The following HECW1 variants were observed in gnomAD, a reference collection of about 807,000 sequenced individuals.
HECW1 encodes the protein E3 ubiquitin-protein ligase HECW1.
HECW1 carries 61 observed loss-of-function variants against 182.3 expected under a neutral mutation model. The ratio of observed to expected loss-of-function variants is 0.33; its 90% CI spans 0.27 to 0.41. The LOEUF (loss-of-function observed/expected upper bound fraction) is 0.41, where lower values mean the gene tolerates loss of function less well. HECW1 is among the 10% of genes least tolerant of loss of function. The pLI is 1.00. For missense variants in HECW1, 1,739 were observed against 2,108.9 expected, an observed-to-expected ratio of 0.82 and a Z score of 3.44; for synonymous variants, 859 against 832.6, an observed-to-expected ratio of 1.03 and a Z score of -0.55.
At chr7:43,262,264 G>GTGTGTA (rs774635031) in intron 3 of HECW1, among the ~76,000 whole-genome samples, 2 of 151,646 alleles carry the variant, frequency 1.3e-5, no homozygotes, top group African/African-American at 4.9e-5. Flanking sequence ...GTGTGTGTGT[G>GTGTGTA]TATAACCTAA....
At chr7:43,435,468 T>C (rs1306204575) in intron 8 of HECW1, among the ~76,000 whole-genome samples, 6 of 152,218 alleles carry the variant, frequency 3.9e-5, no homozygotes, top group Non-Finnish European at 8.8e-5. Flanking sequence ...TGATTTATAA[T>C]AGCAATCAGA....
intron 16 of HECW1, among the ~76,000 whole-genome samples, chr7:43,475,285 G>A (rs557645519): frequency 6.6e-6 from 1 of 152,264 alleles, no homozygotes; most frequent in Admixed American, 6.5e-5. Context: ...TGGCCATATA[G>A]CAATAAAACT....
intron 12 of HECW1, among the ~76,000 whole-genome samples, chr7:43,453,264 A>G (rs776199351): frequency 6.6e-6 from 1 of 152,210 alleles, no homozygotes; most frequent in African/African-American, 2.4e-5. Flanking sequence ...AGCTTGGGCC[A>G]GGGTGGGAGC....
At chr7:43,534,052 G>A (rs1419395063) in intron 24 of HECW1, among the ~76,000 whole-genome samples, 1 of 152,186 alleles carries the variant, frequency 6.6e-6, no homozygotes, top group Non-Finnish European at 1.5e-5. Flanking sequence ...TGCCAGAAAT[G>A]CCCTACAGAG....
At chr7:43,347,839 T>C (rs11982866) in intron 5 of HECW1, among the ~76,000 whole-genome samples, 2,544 of 152,328 alleles carry the variant, frequency 0.017, 75 homozygotes, top group African/African-American at 0.057. Flanking sequence ...TTGCATATGT[T>C]AAACCATCCC....
At chr7:43,438,980 A>C (rs2076795744) in intron 9 of HECW1, 1 of 152,224 alleles carries the variant, frequency 6.6e-6, no homozygotes, top group African/African-American at 2.4e-5. Context: ...TAATTATCAT[A>C]AAGACATTTA....
At chr7:43,351,750 A>G (rs1287406064) in intron 5 of HECW1, among the ~76,000 whole-genome samples, 4 of 149,722 alleles carry the variant, frequency 2.7e-5, no homozygotes, top group Admixed American at 6.7e-5. Flanking sequence ...GAACAGTACA[A>G]TGTAAATGAA....
Position 43,466,468 on chromosome 7 carries a change from T to C in HECW1, c.2813T>C (p.Leu938Pro). 6.2e-7 allele frequency: 1 copy of C among 1,613,780 alleles called. No individual in the cohort carries two copies. The highest frequency in any genetic ancestry group is 8.5e-7 in the Non-Finnish European group (1 of 1,179,760). ...TCAGATCTAAGGAGAGAAGGGTCACTTTCTCCAGTGAACTCACAAAAAATC... is the reference window on the plus strand; with the variant it reads ...TCAGATCTAAGGAGAGAAGGGTCACCTTCTCCAGTGAACTCACAAAAAATC... ...SSLDLRREGS[L>P]SPVNSQKITL... The change falls in exon 15 of 30, where the codon CTT becomes CCT. Residue 938 changes from leucine to proline, a missense_variant. Coordinates refer to ENST00000395891, the MANE Select transcript of HECW1 (RefSeq NM_015052.5).
At chr7:43,489,735 A>T (rs1465938144) in intron 17 of HECW1, among the ~76,000 whole-genome samples, 2 of 152,262 alleles carry the variant, frequency 1.3e-5, no homozygotes, top group Non-Finnish European at 2.9e-5. Flanking sequence ...CTGTCTGCAT[A>T]CAAAGGATGT....
chr7:43,546,255 G>T (rs2081559339), intron 26 of HECW1, among the ~76,000 whole-genome samples: 1 of 113,738 alleles, frequency 8.8e-6, no homozygotes. Context: ...CATATCCACA[G>T]TCTCTTTCAT....
In HECW1 at chr7:43,466,067, G is replaced by C. The variant is rs2077763583; in HGVS notation, c.2792-380G>C. On this transcript the variant is annotated intron_variant, in intron 14 of 29. Coordinates refer to ENST00000395891, the MANE Select transcript of HECW1 (RefSeq NM_015052.5). ...AGGGGGAAGGAGGGAGGGAGGGAAG[G>C]AAGGAAGGAAGGAGAGAGAAGAAAG... 2.1e-5 allele frequency among the ~76,000 whole-genome samples: 3 copies of C among 144,266 alleles called. No homozygotes were observed. In the South Asian group the frequency reaches 6.9e-4, roughly 33 times the overall value. 94.6% of individuals were successfully genotyped at this position (144,266 alleles called of 152,430 possible). A position where few individuals can be genotyped will look rare whatever the true frequency, so the allele number is the denominator to read the frequency against.
intron 19 of HECW1, among the ~76,000 whole-genome samples, chr7:43,498,737 C>T (rs1217315917): frequency 2.0e-5 from 3 of 152,234 alleles, no homozygotes; most frequent in East Asian, 3.9e-4. Context: ...TTTCCTGCAA[C>T]GGTGCTTCAC....
At chr7:43,481,333 A>G (rs2152908482) in intron 17 of HECW1, among the ~76,000 whole-genome samples, 1 of 152,334 alleles carries the variant, frequency 6.6e-6, no homozygotes, top group East Asian at 1.9e-4. Flanking sequence ...TAAAAAGTTC[A>G]AGCTCTTTAA....
intron 7 of HECW1, among the ~76,000 whole-genome samples, chr7:43,400,138 G>A (rs925838723): frequency 3.3e-5 from 5 of 152,048 alleles, no homozygotes; most frequent in African/African-American, 9.7e-5. Context: ...CAGGAAGCTG[G>A]GGCAGGAGGA....
chr7:43,346,470 G>C (rs35113641), intron 5 of HECW1, among the ~76,000 whole-genome samples: 26,880 of 151,940 alleles, frequency 0.18, 3,143 homozygotes, highest in Non-Finnish European at 0.26. Context: ...ACTGTTCCTT[G>C]TGCCATGCAA....
intron 24 of HECW1, 97 bp downstream of exon 24, chr7:43,509,218 A>T: frequency 8.2e-7 from 1 of 1,224,280 alleles, no homozygotes; most frequent in Non-Finnish European, 1.2e-6. Flanking sequence ...TGTTTAGAGC[A>T]GTGGCCAGAT....
At chr7:43,425,161 G>C (rs1193414055) in intron 8 of HECW1, among the ~76,000 whole-genome samples, 1 of 151,934 alleles carries the variant, frequency 6.6e-6, no homozygotes, top group Non-Finnish European at 1.5e-5. Context: ...AAGCTTTCAA[G>C]CCCAGCTAAT....
intron 2 of HECW1, among the ~76,000 whole-genome samples, chr7:43,238,379 C>A (rs1370491212): frequency 7.0e-6 from 1 of 142,278 alleles, no homozygotes; most frequent in African/African-American, 2.9e-5. Flanking sequence ...ACTTTTCCCT[C>A]TGGTGCTCAG....
chr7:43,225,367 A>G (rs1047197859), intron 2 of HECW1, among the ~76,000 whole-genome samples: 2 of 152,328 alleles, frequency 1.3e-5, no homozygotes, highest in Admixed American at 1.3e-4. Flanking sequence ...AGCAAAGTGG[A>G]GGATGGGCTG....
Sources: gnomAD v4.1 joint callset for allele counts (sites outside exome capture counted in the v4.1 genomes callset) on GRCh38, gnomAD v4.1.1 for gene constraint, MANE v1.5 for transcripts, NCBI Gene and HGNC (gene_info 2026-07-23, HGNC 2026-07-21) for gene names.